COL19A1: variants seen among roughly 807,000 people sequenced by gnomAD.
The protein encoded by COL19A1 is collagen alpha-1(XIX) chain.
Under a neutral mutation model 190.2 loss-of-function variants are expected in COL19A1, and 159 were observed. That is an observed-to-expected ratio of 0.84 (90% CI 0.73 to 0.95). The LOEUF is 0.95. Among genes scored for constraint, COL19A1 ranks in the 40% least tolerant of loss-of-function variants. The probability of loss-of-function intolerance (pLI) is 0.00; values close to 1 mark genes in which losing one functional copy is unlikely to be tolerated. For missense variants in COL19A1, 1,418 were observed against 1,431.9 expected, an observed-to-expected ratio of 0.99 and a Z score of 0.16; for synonymous variants, 509 against 458.9, an observed-to-expected ratio of 1.11 and a Z score of -1.39.
At chr6:70,147,062 AC>A (rs1329641298) in intron 27 of COL19A1, among the ~76,000 whole-genome samples, 173 bp downstream of exon 27, 13 of 152,308 alleles carry the variant, frequency 8.5e-5, no homozygotes, top group Admixed American at 3.3e-4. Flanking sequence ...CAGAGACAGT[AC>A]CCACTGTTTG....
chr6:70,114,276 T>C (rs1784441998), intron 16 of COL19A1, among the ~76,000 whole-genome samples: 3 of 152,204 alleles, frequency 2.0e-5, no homozygotes, highest in African/African-American at 7.2e-5. Flanking sequence ...AAAAACCAGC[T>C]TTAAGATGAT....
chr6:70,202,794 T>C (rs1001918005), intron 49 of COL19A1, among the ~76,000 whole-genome samples: 3 of 152,238 alleles, frequency 2.0e-5, no homozygotes, highest in African/African-American at 4.8e-5. Context: ...AAAGACCTTT[T>C]GGATTCTGAG....
intron 41 of COL19A1, among the ~76,000 whole-genome samples, chr6:70,172,829 G>A (rs2150275402): frequency 6.6e-6 from 1 of 152,314 alleles, no homozygotes; most frequent in East Asian, 1.9e-4. Context: ...CTGAGTAGTG[G>A]CATGAGGGAA....
intron 27 of COL19A1, 53 bp from the exon 28 acceptor site, chr6:70,149,651 A>G: frequency 6.2e-7 from 1 of 1,601,608 alleles, no homozygotes; most frequent in South Asian, 1.1e-5. Context: ...CACTTGGATA[A>G]TTTATGGACA....
At chr6:70,138,553 G>T (rs190702457) in intron 19 of COL19A1, among the ~76,000 whole-genome samples, 3 of 152,040 alleles carry the variant, frequency 2.0e-5, no homozygotes, top group Non-Finnish European at 4.4e-5. Context: ...CTTTCTTTAC[G>T]AGACTGAATA....
intron 11 of COL19A1, among the ~76,000 whole-genome samples, chr6:70,010,668 G>A (rs1246302030): frequency 1.5e-5 from 2 of 137,664 alleles, no homozygotes; most frequent in Admixed American, 7.1e-5. Flanking sequence ...AAGAAACGGC[G>A]CACCACGAGA....
intron 48 of COL19A1, among the ~76,000 whole-genome samples, chr6:70,199,319 G>T (rs1004282438): frequency 6.6e-6 from 1 of 152,116 alleles, no homozygotes; most frequent in African/African-American, 2.4e-5. Context: ...CATTACCAGA[G>T]GTTAGATTCC....
chr6:70,163,912 C>T (rs1395729353), intron 36 of COL19A1, among the ~76,000 whole-genome samples: 1 of 152,198 alleles, frequency 6.6e-6, no homozygotes, highest in African/African-American at 2.4e-5. Flanking sequence ...CACCTACTAG[C>T]TGTGTCCTCA....
rs368980274 is a variant in COL19A1, at chr6:69,929,338, A to G, written c.391-87A>G. ...TTTACTAAGTGCCTCAGTTATACTA[A>G]TATGCATCTTGAGCTTTTCTTTGTG... On this transcript the variant is annotated intron_variant, in intron 5 of 50. Transcript: ENST00000620364. 1.2e-4 allele frequency: 153 copies of G among 1,284,584 alleles called. 1 individual carries two copies. In the East Asian group the frequency reaches 3.1e-3, roughly 26 times the overall value. 79.6% of individuals were successfully genotyped at this position (1,284,584 alleles called of 1,614,324 possible).
intron 34 of COL19A1, among the ~76,000 whole-genome samples, 190 bp downstream of exon 34, chr6:70,156,913 T>C (rs1787475025): frequency 6.6e-6 from 1 of 152,046 alleles, no homozygotes; most frequent in Admixed American, 6.6e-5. Context: ...AAGGGTCCGG[T>C]TTTAGAGACA....
At chr6:69,921,185 T>TTCATATATATATCATATATATCACATATA (rs1349815504) in intron 4 of COL19A1, among the ~76,000 whole-genome samples, 3 of 130,794 alleles carry the variant, frequency 2.3e-5, no homozygotes, top group Non-Finnish European at 4.6e-5. Flanking sequence ...ATCACATATA[T>TTCATATATATATCATATATATCACATATA]TCATATATAT....
intron 4 of COL19A1, among the ~76,000 whole-genome samples, chr6:69,919,953 A>G (rs1486390425): frequency 2.0e-5 from 3 of 152,120 alleles, no homozygotes. Flanking sequence ...GAGGGGGTGC[A>G]GTATGTGCCA....
chr6:70,168,157 A>C lies in COL19A1; in HGVS notation c.2497-14A>C. ...ATCTTTCTCTTTTTCTTTTCTTTTC[A>C]TTTTCTTTTGAAGGGAGGTGTGAAT... On this transcript the variant is annotated splice_polypyrimidine_tract_variant and intron_variant, in intron 38 of 50. Transcript: ENST00000620364. 1 of 1,612,046 alleles carries C rather than the reference A, an allele frequency of 6.2e-7. No individual in the cohort carries two copies. The highest frequency in any genetic ancestry group is 2.2e-5 in the East Asian group (1 of 44,730).
chr6:70,060,677 G>A (rs117240964), intron 14 of COL19A1, among the ~76,000 whole-genome samples: 7,670 of 152,116 alleles, frequency 0.05, 250 homozygotes, highest in Non-Finnish European at 0.075. Flanking sequence ...CCCTAGAAGG[G>A]ACCGTCTAGT....
chr6:70,010,805 G>C (rs1777966580), intron 11 of COL19A1, among the ~76,000 whole-genome samples: 1 of 126,096 alleles, frequency 7.9e-6, no homozygotes. Flanking sequence ...CATTGCCCAG[G>C]CTTGCTTAGG....
intron 16 of COL19A1, among the ~76,000 whole-genome samples, chr6:70,109,541 A>AGTGTGTATGT (rs1344993050): frequency 4.2e-5 from 6 of 143,892 alleles, no homozygotes; most frequent in African/African-American, 1.3e-4. Flanking sequence ...CCGTTTTGTA[A>AGTGTGTATGT]GTGTGTGTGT....
At chr6:70,100,174 T>C (rs1783536239) in intron 15 of COL19A1, among the ~76,000 whole-genome samples, 1 of 152,194 alleles carries the variant, frequency 6.6e-6, no homozygotes, top group African/African-American at 2.4e-5. Flanking sequence ...CAACCTAATG[T>C]ATGCTTAAGG....
chr6:70,158,906 A>T (rs1290633983), intron 34 of COL19A1, among the ~76,000 whole-genome samples: 1 of 152,078 alleles, frequency 6.6e-6, no homozygotes, highest in Non-Finnish European at 1.5e-5. Context: ...TTTAATGATC[A>T]TCTTGTCTTC....
rs1768080309 is a variant in COL19A1, at chr6:70,209,686, A to T, written c.*2412A>T. 1 of 152,208 alleles carries T rather than the reference A, an allele frequency of 6.6e-6. No homozygotes were observed. The highest frequency in any genetic ancestry group is 1.5e-5 in the Non-Finnish European group (1 of 68,028). 9.4% of individuals were successfully genotyped at this position (152,208 alleles called of 1,614,324 possible). A position where few individuals can be genotyped will look rare whatever the true frequency, so the allele number is the denominator to read the frequency against. ...AAGTGGACTTGTCACAATGACACAAACTCATTTTTTGTAACTGGGAAATAT... is the reference window on the plus strand; with the variant it reads ...AAGTGGACTTGTCACAATGACACAATCTCATTTTTTGTAACTGGGAAATAT... On this transcript the variant is annotated 3_prime_UTR_variant, in exon 51 of 51. Transcript: ENST00000620364.
Sources: gnomAD v4.1 joint callset for allele counts (sites outside exome capture counted in the v4.1 genomes callset) on GRCh38, gnomAD v4.1.1 for gene constraint, MANE v1.5 for transcripts, NCBI Gene and HGNC (gene_info 2026-07-23, HGNC 2026-07-21) for gene names.